Variants in DDR2 observed in about 807,000 individuals in gnomAD.
The protein encoded by DDR2 is discoidin domain-containing receptor 2.
Under a neutral mutation model 94.9 loss-of-function variants are expected in DDR2, and 27 were observed. That is an observed-to-expected ratio of 0.28 (90% confidence interval 0.21 to 0.39). The LOEUF is 0.39. DDR2 is among the 10% of genes least tolerant of loss of function. DDR2 has a pLI of 1.00. For missense variants in DDR2, 783 were observed against 1,076.0 expected (o/e 0.73, Z 3.81); for synonymous variants, 382 against 377.2 (o/e 1.01, Z -0.15).
intron 2 of DDR2, among the ~76,000 whole-genome samples, chr1:162,676,274 C>T (rs1659117302): frequency 6.6e-6 from 1 of 152,046 alleles, no homozygotes; most frequent in African/African-American, 2.4e-5. Context: ...CAGAACAGCT[C>T]GGCCTTGTAA....
At position 162,741,258 on chromosome 1, in the gene DDR2, G is replaced by GTA. The variant is rs1558057591; in HGVS notation, c.83-11836_83-11835dup. On this transcript the variant is annotated intron_variant, in intron 3 of 17. Transcript: ENST00000367921. ...ATAATATAATATAGTATAATGTAAT[G>GTA]TAATGTAATATAATATAATATAATA... is the stretch of plus-strand genomic sequence containing the variant. Among the ~76,000 whole-genome samples, 314 of 106,806 alleles carry GTA rather than the reference G, an allele frequency of 2.9e-3. 3 individuals are homozygous for GTA. The highest frequency in any genetic ancestry group is 7.5e-3 in the African/African-American group (196 of 26,090). 70.1% of individuals were successfully genotyped at this position (106,806 alleles called of 152,430 possible). A position where few individuals can be genotyped will look rare whatever the true frequency, so the allele number is the denominator to read the frequency against.
chr1:162,783,560 T>G lies in DDR2; in HGVS notation c.*3314T>G, dbSNP rs1429622376. 6.6e-6 allele frequency: 1 copy of G among 152,142 alleles called. No individual in the cohort carries two copies. The highest frequency in any genetic ancestry group is 1.5e-5 in the Non-Finnish European group (1 of 68,040). The allele number at this position is 152,142 out of a possible 1,614,324, so 9.4% of individuals were successfully genotyped here. A position where few individuals can be genotyped will look rare whatever the true frequency, so the allele number is the denominator to read the frequency against. ...AGTAGCTAGAGCCATTGGGAATCCA[T>G]TTTGAAACAAGAAGGAGTTTTGAAA... On this transcript the variant is annotated 3_prime_UTR_variant, in exon 18 of 18. Transcript: ENST00000367921.
intron 2 of DDR2, among the ~76,000 whole-genome samples, chr1:162,674,252 G>A (rs1659019893): frequency 6.6e-6 from 1 of 152,140 alleles, no homozygotes; most frequent in African/African-American, 2.4e-5. Context: ...AGCAAGGCTT[G>A]TTTCACCCTC....
intron 2 of DDR2, among the ~76,000 whole-genome samples, chr1:162,699,565 G>A (rs1660338591): frequency 6.6e-6 from 1 of 152,182 alleles, no homozygotes; most frequent in Admixed American, 6.5e-5. Context: ...ATGTGGTTGT[G>A]CAATATGGTT....
intron 1 of DDR2, among the ~76,000 whole-genome samples, chr1:162,637,964 G>A (rs1326672175): frequency 6.6e-6 from 1 of 152,118 alleles, no homozygotes; most frequent in Admixed American, 6.6e-5. Context: ...GAGGCATAAA[G>A]CCATTAACAA....
chr1:162,684,143 C>T (rs1239877061), intron 2 of DDR2, among the ~76,000 whole-genome samples: 1 of 152,142 alleles, frequency 6.6e-6, no homozygotes, highest in Non-Finnish European at 1.5e-5. Flanking sequence ...AGTCAGGAAG[C>T]CCAGGTTTAG....
At chr1:162,738,076 T>C (rs1033989386) in intron 3 of DDR2, among the ~76,000 whole-genome samples, 1 of 150,534 alleles carries the variant, frequency 6.6e-6, no homozygotes, top group Non-Finnish European at 1.5e-5. Context: ...TCACCGCTCC[T>C]ATTCAACATT....
chr1:162,751,792 A>T lies in DDR2; in HGVS notation c.83-1303A>T, dbSNP rs139552093. On this transcript the variant is annotated intron_variant, in intron 3 of 17. Coordinates refer to ENST00000367921, the MANE Select transcript of DDR2 (RefSeq NM_006182.4). ...ACTGGATTAAGAAAATGTGGCACAT[A>T]TACACCATGGAATACTATGCAGCCA... Among the ~76,000 whole-genome samples the T allele has an allele frequency of 3.5e-3, 537 of 152,356 alleles. 7 individuals carry two copies. Among genetic ancestry groups the T allele is most frequent in the East Asian group, 0.035 (180 of 5,190 alleles).
At chr1:162,718,270 G>C (rs1402739447) in intron 2 of DDR2, among the ~76,000 whole-genome samples, 1 of 152,024 alleles carries the variant, frequency 6.6e-6, no homozygotes, top group Non-Finnish European at 1.5e-5. Context: ...TCCATTCCCA[G>C]AATCAGCCAT....
At position 162,754,670 on chromosome 1, in the gene DDR2, G is replaced by A. The variant is rs1189436808; in HGVS notation, c.232G>A (p.Val78Met). 5.0e-6 allele frequency: 8 copies of A among 1,614,160 alleles called. No individual in the cohort carries two copies. The highest frequency in any genetic ancestry group is 6.8e-6 in the Non-Finnish European group (8 of 1,180,020). The change falls in exon 5 of 18, where the codon GTG becomes ATG. Residue 78 changes from valine (V) to methionine (M), a missense_variant. By Grantham distance (21) the Val-to-Met change is conservative (BLOSUM62 1). Around this residue, in one of 2 missense-constraint regions of DDR2, gnomAD observed 519 missense variants for 647.9 expected, o/e 0.80. Coordinates refer to ENST00000367921, the MANE Select transcript of DDR2 (RefSeq NM_006182.4). ...GDGAWCPEIP[V>M]EPDDLKEFLQ... is the part of the protein sequence containing the mutation. ...TGGAGCCTGGTGCCCTGAGATTCCA[G>A]TGGAACCTGATGACCTGAAGGAGTT...
intron 3 of DDR2, among the ~76,000 whole-genome samples, chr1:162,746,021 T>C (rs145456210): frequency 1.3e-5 from 2 of 152,214 alleles, no homozygotes; most frequent in African/African-American, 4.8e-5. Context: ...GATGGCTGAA[T>C]AGGAACAGCT....
Position 162,773,588 on chromosome 1 carries a change from G to T in DDR2, c.1848G>T (p.Lys616Asn). 6.2e-7 allele frequency: 1 copy of T among 1,613,978 alleles called. No homozygotes were observed. The highest frequency in any genetic ancestry group is 1.1e-5 in the South Asian group (1 of 91,070). The change falls in exon 14 of 18, where the codon AAG becomes AAT. Residue 616 changes from lysine (K) to asparagine (N), a missense_variant. Physicochemically the swap from Lys to Asn is moderately conservative, Grantham distance 94 (BLOSUM62 0). Coordinates refer to ENST00000367921, the MANE Select transcript of DDR2 (RefSeq NM_006182.4). ...AVKMLRADAN[K>N]NARNDFLKEI... ...AAATGCTCCGAGCAGATGCCAACAAGAATGCCAGGTCTGTGGTCTACATTT... is the reference window on the plus strand; with the variant it reads ...AAATGCTCCGAGCAGATGCCAACAATAATGCCAGGTCTGTGGTCTACATTT...
At position 162,785,950 on chromosome 1, in the gene DDR2, A is replaced by C. The variant is rs1256912275; in HGVS notation, c.*5704A>C. ...CCTCATACCCAGCCTATTTGAAACA[A>C]GCTATCTAGTTTCTCCTGCAGACAC... is the stretch of plus-strand genomic sequence containing the variant. On this transcript the variant is annotated 3_prime_UTR_variant, in exon 18 of 18. Transcript: ENST00000367921. 1 of 152,230 alleles carries C rather than the reference A, an allele frequency of 6.6e-6. No homozygotes were observed. Among genetic ancestry groups the C allele is most frequent in the African/African-American group, 2.4e-5 (1 of 41,466 alleles). The allele number at this position is 152,230 out of a possible 1,614,324, so 9.4% of individuals were successfully genotyped here. A position where few individuals can be genotyped will look rare whatever the true frequency, so the allele number is the denominator to read the frequency against.
intron 3 of DDR2, among the ~76,000 whole-genome samples, chr1:162,739,715 A>G (rs1662495275): frequency 6.6e-6 from 1 of 152,222 alleles, no homozygotes; most frequent in African/African-American, 2.4e-5. Context: ...TTTACATTCT[A>G]AAAGATACAT....
intron 2 of DDR2, among the ~76,000 whole-genome samples, chr1:162,672,650 G>T (rs1398133618): frequency 6.6e-6 from 1 of 152,086 alleles, no homozygotes; most frequent in Non-Finnish European, 1.5e-5. Flanking sequence ...TTTTGATGGT[G>T]CCTCTAAATA....
In DDR2 at chr1:162,680,871, G is replaced by A. The variant is rs564576677; in HGVS notation, c.-28+25497G>A. On this transcript the variant is annotated intron_variant, in intron 2 of 17. Coordinates refer to ENST00000367921, the MANE Select transcript of DDR2 (RefSeq NM_006182.4). ...TTTTTTATAAAGTTGAAATTATGGA[G>A]CTAAGACATTTCTAAGAAGACTTAA... 3.9e-5 allele frequency among the ~76,000 whole-genome samples: 6 copies of A among 152,294 alleles called. No individual in the cohort carries two copies. The East Asian group carries it at 1.2e-3, about 29-fold the overall frequency.
In DDR2 at chr1:162,776,117, T is replaced by A. The variant is rs774610810; in HGVS notation, c.2049-19T>A. The A allele has an allele frequency of 1.9e-6, 3 of 1,597,972 alleles. No individual in the cohort carries two copies. The highest frequency in any genetic ancestry group is 2.6e-6 in the Non-Finnish European group (3 of 1,166,082). On this transcript the variant is annotated intron_variant, in intron 15 of 17. Coordinates refer to ENST00000367921, the MANE Select transcript of DDR2 (RefSeq NM_006182.4). The stretch of plus-strand genomic sequence containing the variant: ...CTGTTTCCATAGGCTACCTTCTGTC[T>A]TCTTGTCTATTTCCTCAGTTACACC...
At position 162,718,368 on chromosome 1, in the gene DDR2, G is replaced by A. The variant is rs77147302; in HGVS notation, c.-27-669G>A. Among the ~76,000 whole-genome samples the A allele has an allele frequency of 5.4e-3, 826 of 152,306 alleles. 8 individuals carry two copies. Among genetic ancestry groups the A allele is most frequent in the East Asian group, 0.035 (179 of 5,178 alleles). On this transcript the variant is annotated intron_variant, in intron 2 of 17. Coordinates refer to ENST00000367921, the MANE Select transcript of DDR2 (RefSeq NM_006182.4). ...TAGGTTTGCTCATTGCTACTGGGAT[G>A]TCATTGCCTCTAGGCCTTTTCAGCG...
chr1:162,708,114 G>A (rs1660738857), intron 2 of DDR2, among the ~76,000 whole-genome samples: 1 of 152,184 alleles, frequency 6.6e-6, no homozygotes, highest in Non-Finnish European at 1.5e-5. Flanking sequence ...ACCAGGGTAG[G>A]CCTTGATCTC....
Sources: allele counts gnomAD v4.1 joint callset (sites outside exome capture counted in the v4.1 genomes callset), GRCh38; gene constraint gnomAD v4.1.1; regional missense constraint gnomAD v4.1.1; transcripts MANE v1.5; gene names NCBI Gene and HGNC (gene_info 2026-07-23, HGNC 2026-07-21).